The following NALCN variants were observed in gnomAD, a reference collection of about 807,000 sequenced individuals.
The protein encoded by NALCN is sodium leak channel NALCN.
A neutral mutation model predicts 225.3 loss-of-function variants in NALCN; 111 were observed. That is an observed-to-expected ratio of 0.49 (90% confidence interval 0.42 to 0.58). NALCN has a LOEUF of 0.58. Among genes scored for constraint, NALCN ranks in the 20% least tolerant of loss-of-function variants. NALCN has a pLI of 0.00. For missense variants in NALCN, 1,378 were observed against 2,202.4 expected (o/e 0.63, Z 7.49); for synonymous variants, 764 against 769.0 (o/e 0.99, Z 0.11).
intron 10 of NALCN, among the ~76,000 whole-genome samples, chr13:101,280,608 T>C (rs1182700932): frequency 6.6e-6 from 1 of 152,206 alleles, no homozygotes; most frequent in African/African-American, 2.4e-5. Context: ...GACTCTGATT[T>C]GGCACTCAGA....
intron 28 of NALCN, among the ~76,000 whole-genome samples, chr13:101,093,433 C>G (rs1046213539): frequency 2.0e-5 from 3 of 152,150 alleles, no homozygotes; most frequent in Non-Finnish European, 4.4e-5. Context: ...ATCATGGTTA[C>G]AGATGACATT....
chr13:101,203,982 G>C (rs1271256820), intron 13 of NALCN, among the ~76,000 whole-genome samples: 1 of 152,202 alleles, frequency 6.6e-6, no homozygotes, highest in Non-Finnish European at 1.5e-5. Context: ...GGTAAATTAA[G>C]TGCTTTGCTC....
intron 28 of NALCN, among the ~76,000 whole-genome samples, chr13:101,090,339 A>G (rs1417604251): frequency 1.3e-5 from 2 of 152,164 alleles, no homozygotes; most frequent in African/African-American, 4.8e-5. Flanking sequence ...GATTTTATCG[A>G]TTTGCACAAA....
chr13:101,359,451 G>T (rs2046160072), intron 6 of NALCN, among the ~76,000 whole-genome samples: 1 of 152,152 alleles, frequency 6.6e-6, no homozygotes, highest in Non-Finnish European at 1.5e-5. Flanking sequence ...TACTTTTGAG[G>T]GGGCAATATC....
intron 18 of NALCN, chr13:101,116,656 A>C: frequency 2.3e-6 from 1 of 430,004 alleles, no homozygotes; most frequent in Non-Finnish European, 4.6e-6. Context: ...GAAAAGTTAG[A>C]TTACACAATA....
intron 1 of NALCN, among the ~76,000 whole-genome samples, chr13:101,399,893 C>T (rs905664513): frequency 6.6e-6 from 1 of 152,176 alleles, no homozygotes; most frequent in African/African-American, 2.4e-5. Context: ...TTCCACAACT[C>T]AGCAGTCACT....
At chr13:101,142,041 T>C (rs2037105673) in intron 17 of NALCN, among the ~76,000 whole-genome samples, 1 of 152,010 alleles carries the variant, frequency 6.6e-6, no homozygotes. Flanking sequence ...TATAGTTTGA[T>C]ACTATGCATA....
chr13:101,101,280 T>TA (rs1566813159), intron 26 of NALCN, among the ~76,000 whole-genome samples: 7 of 109,846 alleles, frequency 6.4e-5, no homozygotes, highest in African/African-American at 2.3e-4. Context: ...TATTTTTTTT[T>TA]CTTTTTTTTT....
intron 15 of NALCN, among the ~76,000 whole-genome samples, chr13:101,171,111 A>T (rs1261430879): frequency 6.6e-6 from 1 of 152,034 alleles, no homozygotes; most frequent in Non-Finnish European, 1.5e-5. Flanking sequence ...ATTTATCAGG[A>T]ATCTCCTCAG....
intron 11 of NALCN, among the ~76,000 whole-genome samples, chr13:101,250,768 C>A (rs1180646057): frequency 6.6e-6 from 1 of 151,518 alleles, no homozygotes; most frequent in African/African-American, 2.4e-5. Context: ...GAAAAGACAG[C>A]AAATAAAAGT....
chr13:101,209,075 GCTT>G (rs2040428382), intron 13 of NALCN, among the ~76,000 whole-genome samples: 1 of 152,034 alleles, frequency 6.6e-6, no homozygotes. Flanking sequence ...GTTCCTCACT[GCTT>G]CTTTTTTATA....
chr13:101,413,870 G>T (rs2047856237), intron 1 of NALCN, among the ~76,000 whole-genome samples: 1 of 152,018 alleles, frequency 6.6e-6, no homozygotes, highest in African/African-American at 2.4e-5. Flanking sequence ...TAACATTTTG[G>T]GACAGGGGCA....
chr13:101,219,496 T>C (rs986388973), intron 13 of NALCN, among the ~76,000 whole-genome samples: 6 of 152,198 alleles, frequency 3.9e-5, no homozygotes, highest in Non-Finnish European at 7.4e-5. Flanking sequence ...TCCTTTCACC[T>C]GTCTCATGTG....
At chr13:101,273,628 A>G (rs2042871952) in intron 10 of NALCN, among the ~76,000 whole-genome samples, 1 of 152,172 alleles carries the variant, frequency 6.6e-6, no homozygotes, top group African/African-American at 2.4e-5. Flanking sequence ...ACTTAGAAAA[A>G]TCAACAGATA....
At chr13:101,231,608 T>C (rs1421262309) in intron 12 of NALCN, among the ~76,000 whole-genome samples, 1 of 152,144 alleles carries the variant, frequency 6.6e-6, no homozygotes, top group African/African-American at 2.4e-5. Flanking sequence ...GATATTAACA[T>C]AGGAAAATTG....
chr13:101,251,775 A>T (rs1022259297), intron 11 of NALCN, among the ~76,000 whole-genome samples: 5 of 152,196 alleles, frequency 3.3e-5, no homozygotes, highest in Admixed American at 1.3e-4. Flanking sequence ...TGTAAAATTA[A>T]TTTAGTCTCA....
chr13:101,351,178 T>C (rs887488928), intron 6 of NALCN, among the ~76,000 whole-genome samples: 6 of 152,204 alleles, frequency 3.9e-5, no homozygotes, highest in Non-Finnish European at 8.8e-5. Flanking sequence ...TATTTATTTG[T>C]AAACTACAGA....
chr13:101,375,756 T>C (rs960947028), intron 6 of NALCN, among the ~76,000 whole-genome samples: 1 of 152,194 alleles, frequency 6.6e-6, no homozygotes, highest in Admixed American at 6.5e-5. Flanking sequence ...ATATAAGGTA[T>C]AAAATCAATT....
intron 10 of NALCN, among the ~76,000 whole-genome samples, chr13:101,261,550 T>C (rs1044083116): frequency 6.6e-6 from 1 of 152,186 alleles, no homozygotes; most frequent in African/African-American, 2.4e-5. Flanking sequence ...TAGTGTTCAT[T>C]ATGGAGATCC....
Sources: gnomAD v4.1 joint callset for allele counts (sites outside exome capture counted in the v4.1 genomes callset) on GRCh38, gnomAD v4.1.1 for gene constraint, MANE v1.5 for transcripts, NCBI Gene and HGNC (gene_info 2026-07-23, HGNC 2026-07-21) for gene names.